The following ZNF212 variants were observed in gnomAD, a reference collection of about 807,000 sequenced individuals.
ZNF212 encodes Zinc finger protein C2H2-150.
Under a neutral mutation model 47.3 loss-of-function variants are expected in ZNF212, and 32 were observed. The ratio of observed to expected loss-of-function variants is 0.68; its 90% confidence interval spans 0.51 to 0.91. The LOEUF (loss-of-function observed/expected upper bound fraction) is 0.91. Ranked by LOEUF, ZNF212 falls within the 40% of genes least tolerant of loss-of-function variation. The pLI is 0.00. For missense variants in ZNF212, 555 were observed against 622.8 expected (o/e 0.89, Z 1.16); for synonymous variants, 242 against 253.8 (o/e 0.95, Z 0.44).
chr7:149,242,057 C>G (rs1796600660), intron 1 of ZNF212, among the ~76,000 whole-genome samples: 1 of 125,352 alleles, frequency 8.0e-6, no homozygotes, highest in Admixed American at 9.6e-5. Context: ...GTCTCGCTCT[C>G]TTGCTCTGGC....
intron 1 of ZNF212, among the ~76,000 whole-genome samples, chr7:149,248,858 G>A (rs1796713997): frequency 6.6e-6 from 1 of 152,194 alleles, no homozygotes; most frequent in Admixed American, 6.5e-5. Context: ...AGTAACTAGA[G>A]TAGGTCATGG....
intron 1 of ZNF212, among the ~76,000 whole-genome samples, chr7:149,249,022 A>G (rs1796715984): frequency 6.6e-6 from 1 of 152,140 alleles, no homozygotes; most frequent in African/African-American, 2.4e-5. Flanking sequence ...AGCCTTGAAT[A>G]AAGTGTGTGC....
Position 149,239,675 on chromosome 7 carries a change from C to CGGCGGCGGG in ZNF212, c.-96_-95insGGGCGGCGG, listed in dbSNP as rs1034656786. 1.0e-5 allele frequency: 13 copies of CGGCGGCGGG among 1,271,090 alleles called. 1 individual carries two copies. The highest frequency in any genetic ancestry group is 2.9e-4 in the Middle Eastern group (1 of 3,416). The allele number at this position is 1,271,090 out of a possible 1,614,324, so 78.7% of individuals were successfully genotyped here. ...CAGAATGCACCTGGCATCAACACGG[C>CGGCGGCGGG]GGCGGCGGCGGCGGCTTCCAACAGG... On this transcript the variant is annotated 5_prime_UTR_variant, in exon 1 of 5. Transcript: ENST00000335870.
At position 149,250,509 on chromosome 7, in the gene ZNF212, C is replaced by A; in HGVS notation, c.375C>A (p.Ile125=). The A allele has an allele frequency of 6.2e-7, 1 of 1,613,806 alleles. No individual in the cohort carries two copies. The highest frequency in any genetic ancestry group is 8.5e-7 in the Non-Finnish European group (1 of 1,179,840). Residue 125 remains isoleucine (I), a synonymous_variant, in exon 2 of 5, where the codon ATC becomes ATA. Coordinates refer to ENST00000335870, the MANE Select transcript of ZNF212 (RefSeq NM_012256.4). Reference sequence around the variant, plus strand: ...TGCTGCGCAACAGGAACTTCTGGATCCTGCGGCTGCCCCCGGGCAGCAAGG... The same window carrying A: ...TGCTGCGCAACAGGAACTTCTGGATACTGCGGCTGCCCCCGGGCAGCAAGG... ...ENLLRNRNFW[I]LRLPPGSKGE...
chr7:149,239,996 C>A, intron 1 of ZNF212, 194 bp downstream of exon 1: 1 of 637,854 alleles, frequency 1.6e-6, no homozygotes, highest in Non-Finnish European at 2.3e-6. Context: ...CCTTCTGCAG[C>A]GGGGTCGGAG....
chr7:149,251,917 C>CGA (rs1251876948), intron 3 of ZNF212, among the ~76,000 whole-genome samples: 2 of 134,112 alleles, frequency 1.5e-5, no homozygotes, highest in Non-Finnish European at 3.1e-5. Context: ...TCAGCCTGGT[C>CGA]GACATAGTGA....
intron 1 of ZNF212, among the ~76,000 whole-genome samples, chr7:149,240,837 A>G (rs1223214831): frequency 6.6e-6 from 1 of 152,212 alleles, no homozygotes; most frequent in Non-Finnish European, 1.5e-5. Context: ...AGGGTGCGCT[A>G]TATTTGATTC....
In ZNF212 at chr7:149,255,142, A is replaced by G. The variant is rs901039758; in HGVS notation, c.*727A>G. 1 of 147,170 alleles carries G rather than the reference A, an allele frequency of 6.8e-6. No individual in the cohort carries two copies. Among genetic ancestry groups the G allele is most frequent in the Non-Finnish European group, 1.5e-5 (1 of 67,264 alleles). 9.1% of individuals were successfully genotyped at this position (147,170 alleles called of 1,614,324 possible). ...GCTCTCAAATTGTCTCAAAAGGACC[A>G]AGAGGAAAAGAGTCGGAGGGGTAGA... On this transcript the variant is annotated 3_prime_UTR_variant, in exon 5 of 5. Transcript: ENST00000335870.
intron 1 of ZNF212, among the ~76,000 whole-genome samples, chr7:149,243,387 T>C (rs1796624399): frequency 7.7e-6 from 1 of 129,456 alleles, no homozygotes; most frequent in Non-Finnish European, 1.5e-5. Context: ...TGAGCCAAGA[T>C]TGCGCCACTG....
At chr7:149,249,680 T>C (rs998466450) in intron 1 of ZNF212, among the ~76,000 whole-genome samples, 9 of 152,182 alleles carry the variant, frequency 5.9e-5, no homozygotes, top group Admixed American at 2.0e-4. Context: ...CAGGCTGGAG[T>C]GCACTGGCAC....
At chr7:149,251,261 T>C in intron 3 of ZNF212, 1 of 186,396 alleles carries the variant, frequency 5.4e-6, no homozygotes, top group Non-Finnish European at 1.1e-5. Flanking sequence ...CTTGGCTCAC[T>C]GCAACCTCTG....
rs547916326 is a variant in ZNF212 at position 149,246,889 on chromosome 7, C to T, written c.25-3270C>T. Among the ~76,000 whole-genome samples the T allele has an allele frequency of 6.1e-5, 9 of 148,566 alleles. No individual in the cohort carries two copies. In the East Asian group the frequency reaches 7.9e-4, roughly 13 times the overall value. On this transcript the variant is annotated intron_variant, in intron 1 of 4. Coordinates refer to ENST00000335870, the MANE Select transcript of ZNF212 (RefSeq NM_012256.4). ...GTACAATGGTGTGATCTCGGTTCAC[C>T]GCAACCTCCGCCTCTCAGGTTTAAG...
At chr7:149,252,655 C>T in intron 3 of ZNF212, 51 bp from the exon 4 acceptor site, 1 of 1,545,112 alleles carries the variant, frequency 6.5e-7, no homozygotes, top group Non-Finnish European at 8.9e-7. Context: ...GATCAGTGTG[C>T]AGTGAGCTTT....
chr7:149,239,764 G>C lies in ZNF212; in HGVS notation c.-15G>C, dbSNP rs1796558410. ...CTCCGAGGCGGGGTCTGGGTGTTGA[G>C]GGGCGACTGGAGCCATGGCGGAGTC... On this transcript the variant is annotated 5_prime_UTR_variant, in exon 1 of 5. Transcript: ENST00000335870. 2 of 1,276,986 alleles carry C rather than the reference G, an allele frequency of 1.6e-6. No individual in the cohort carries two copies. Among genetic ancestry groups the C allele is most frequent in the African/African-American group, 1.5e-5 (1 of 65,574 alleles). The allele number at this position is 1,276,986 out of a possible 1,614,324, so 79.1% of individuals were successfully genotyped here. A position where few individuals can be genotyped will look rare whatever the true frequency, so the allele number is the denominator to read the frequency against.
At chr7:149,240,382 A>ACCCCCCCCCCCCCCCCCCCCCCCCCCC (rs71194632) in intron 1 of ZNF212, among the ~76,000 whole-genome samples, 23 of 109,420 alleles carry the variant, frequency 2.1e-4, no homozygotes, top group South Asian at 3.1e-4. Context: ...TCTCTCCTTC[A>ACCCCCCCCCCCCCCCCCCCCCCCCCCC]CCCCCCCCCC....
chr7:149,252,719 G>C lies in ZNF212; in HGVS notation c.555G>C (p.Gln185His). ...ETLVSLKVLG[Q>H]TEGEAELGTE... ...TTTCCCACCCAGAGGTCCTTGGCCA[G>C]ACAGAGGGAGAAGCGGAGTTGGGTA... Residue 185 changes from glutamine (Q) to histidine (H), a missense_variant, in exon 4 of 5, where the codon CAG (glutamine) becomes CAC (histidine). By Grantham distance (24) the Gln-to-His change is conservative. Coordinates refer to ENST00000335870, the MANE Select transcript of ZNF212 (RefSeq NM_012256.4). 1 of 1,614,146 alleles carries C rather than the reference G, an allele frequency of 6.2e-7. No homozygotes were observed. The highest frequency in any genetic ancestry group is 1.3e-5 in the African/African-American group (1 of 75,054).
Position 149,254,284 on chromosome 7 carries a change from C to T in ZNF212, c.1357C>T (p.Arg453Trp), listed in dbSNP as rs751463642. The change falls in exon 5 of 5, where the codon CGG becomes TGG. Residue 453 changes from arginine to tryptophan, a missense_variant. By Grantham distance (101) the Arg-to-Trp change is moderately radical. Transcript: ENST00000335870. This position sits in a 1 kb window ranked among gnomAD's most constrained non-coding sequence, Gnocchi z 4.5. ...VRHQRIHTGE[R>W]PYSCTECEKS... The stretch of plus-strand genomic sequence containing the variant: ...GCACCAGCGCATCCACACGGGTGAG[C>T]GGCCCTACAGCTGCACTGAGTGTGA... The T allele has an allele frequency of 1.1e-5, 18 of 1,614,056 alleles. 1 individual carries two copies. In the Middle Eastern group the frequency reaches 1.2e-3, roughly 103 times the overall value.
chr7:149,253,930 C>T lies in ZNF212; in HGVS notation c.1003C>T (p.Leu335=). The T allele has an allele frequency of 6.2e-7, 1 of 1,613,964 alleles. No homozygotes were observed. Among genetic ancestry groups the T allele is most frequent in the Non-Finnish European group, 8.5e-7 (1 of 1,179,996 alleles). Residue 335 remains leucine, a synonymous_variant, in exon 5 of 5, where the codon CTG becomes TTG. Coordinates refer to ENST00000335870, the MANE Select transcript of ZNF212 (RefSeq NM_012256.4). ...FRYKQQLATH[L]RSHSGWGSCT... ...CTATAAGCAGCAGCTGGCCACACATCTGCGCAGCCACTCTGGGTGGGGGTC... is the reference window on the plus strand; with the variant it reads ...CTATAAGCAGCAGCTGGCCACACATTTGCGCAGCCACTCTGGGTGGGGGTC...
chr7:149,250,950 A>C, intron 3 of ZNF212, 143 bp downstream of exon 3: 1 of 1,099,854 alleles, frequency 9.1e-7, no homozygotes, highest in Non-Finnish European at 1.3e-6. Context: ...GCCAGTCTCT[A>C]GGTCCTCCCA....
Sources: allele counts gnomAD v4.1 joint callset (sites outside exome capture counted in the v4.1 genomes callset), GRCh38; gene constraint gnomAD v4.1.1; non-coding constraint Gnocchi (gnomAD v3.1); transcripts MANE v1.5; gene names NCBI Gene and HGNC (gene_info 2026-07-23, HGNC 2026-07-21).